The following FAM120A variants were observed in gnomAD, a reference collection of about 807,000 sequenced individuals.
The protein encoded by FAM120A is family with sequence similarity 120 member A, also known as constitutive coactivator of PPAR-gamma-like protein 1.
A neutral mutation model predicts 109.7 loss-of-function variants in FAM120A; 15 were observed. The ratio of observed to expected loss-of-function variants is 0.14; its 90% CI spans 0.09 to 0.21. The LOEUF is 0.21. Among genes scored for constraint, FAM120A ranks in the 10% least tolerant of loss-of-function variants. The probability of loss-of-function intolerance (pLI) is 1.00; values close to 1 mark genes in which losing one functional copy is unlikely to be tolerated. For missense variants in FAM120A, 899 were observed against 1,439.3 expected (o/e 0.62, Z 6.07); for synonymous variants, 493 against 572.8 (o/e 0.86, Z 1.99).
chr9:93,502,693 A>T (rs1859858699), intron 5 of FAM120A, among the ~76,000 whole-genome samples: 1 of 152,138 alleles, frequency 6.6e-6, no homozygotes. Context: ...TTAAGCATTC[A>T]CTATGTCATA....
intron 1 of FAM120A, among the ~76,000 whole-genome samples, chr9:93,460,727 T>C (rs1857758874): frequency 6.6e-6 from 1 of 152,208 alleles, no homozygotes. Context: ...TGGTGTGTAG[T>C]ACATGCTCAG....
At chr9:93,487,115 C>G (rs1859094761) in intron 3 of FAM120A, among the ~76,000 whole-genome samples, 1 of 152,060 alleles carries the variant, frequency 6.6e-6, no homozygotes, top group Non-Finnish European at 1.5e-5. Context: ...ATCCTTTGCT[C>G]ATTTTAAAAT....
chr9:93,542,416 G>A (rs931289780), intron 10 of FAM120A, among the ~76,000 whole-genome samples: 2 of 152,104 alleles, frequency 1.3e-5, no homozygotes, highest in African/African-American at 4.8e-5. Flanking sequence ...CCTTGTCATT[G>A]TTTTTTCCTT....
chr9:93,541,036 G>T (rs569709113), intron 10 of FAM120A, among the ~76,000 whole-genome samples: 1 of 151,106 alleles, frequency 6.6e-6, no homozygotes, highest in African/African-American at 2.4e-5. Context: ...TGCTCTGTGT[G>T]TGGGGTATGT....
intron 1 of FAM120A, among the ~76,000 whole-genome samples, chr9:93,461,005 T>C (rs895842480): frequency 6.6e-6 from 1 of 152,226 alleles, no homozygotes. Flanking sequence ...CACCTGGCTT[T>C]ATCACACATT....
Position 93,451,945 on chromosome 9 carries a change from C to T in FAM120A, c.30C>T (p.Ile10=). The T allele has an allele frequency of 6.5e-7, 1 of 1,527,160 alleles. No homozygotes were observed. The highest frequency in any genetic ancestry group is 8.8e-7 in the Non-Finnish European group (1 of 1,140,698). The allele number at this position is 1,527,160 out of a possible 1,614,324, so 94.6% of individuals were successfully genotyped here. A position where few individuals can be genotyped will look rare whatever the true frequency, so the allele number is the denominator to read the frequency against. ...GCGTGCAGGGCTTCCAGGACTACAT[C>T]GAGAAGCACTGCCCGAGCGCCGTGG... is the stretch of plus-strand genomic sequence containing the variant. The part of the protein sequence containing the change: MGVQGFQDY[I]EKHCPSAVVP... The change falls in exon 1 of 18, where the codon ATC becomes ATT. Residue 10 remains isoleucine (I), a synonymous_variant. Transcript: ENST00000277165.
At chr9:93,550,725 A>C (rs1438986415) in intron 12 of FAM120A, 34 bp downstream of exon 12, 1 of 1,547,778 alleles carries the variant, frequency 6.5e-7, no homozygotes, top group Admixed American at 1.7e-5. Flanking sequence ...TGTCTTGGAC[A>C]GTCTCACTTT....
intron 5 of FAM120A, among the ~76,000 whole-genome samples, chr9:93,511,153 C>T (rs1409596896): frequency 2.6e-5 from 4 of 152,036 alleles, no homozygotes; most frequent in Non-Finnish European, 4.4e-5. Context: ...AATTCTTTCA[C>T]GTGCCACGCA....
At chr9:93,469,228 G>A (rs553405971) in intron 1 of FAM120A, among the ~76,000 whole-genome samples, 2 of 152,338 alleles carry the variant, frequency 1.3e-5, no homozygotes, top group Non-Finnish European at 2.9e-5. Flanking sequence ...AGTGCTGGCT[G>A]TCTCTGAACT....
chr9:93,474,446 T>C (rs921347840), intron 2 of FAM120A, among the ~76,000 whole-genome samples: 1 of 152,212 alleles, frequency 6.6e-6, no homozygotes, highest in African/African-American at 2.4e-5. Flanking sequence ...AAAGTATAGC[T>C]ATATAAAGTA....
At chr9:93,555,213 T>A (rs1862250364) in intron 12 of FAM120A, among the ~76,000 whole-genome samples, 1 of 152,104 alleles carries the variant, frequency 6.6e-6, no homozygotes, top group African/African-American at 2.4e-5. Flanking sequence ...AACAACTGCA[T>A]GGGAAAAGGA....
chr9:93,497,612 A>C lies in FAM120A; in HGVS notation c.933+13A>C, dbSNP rs764232234. 3.7e-5 allele frequency: 59 copies of C among 1,588,220 alleles called. No individual in the cohort carries two copies. The highest frequency in any genetic ancestry group is 2.7e-4 in the Admixed American group (14 of 52,318). ...CCAGCATTCACAGGTAAAAAAAAAA[A>C]CAAACAAAACAAAAAAACAGATTCA... On this transcript the variant is annotated intron_variant, in intron 4 of 17. Transcript: ENST00000277165.
At position 93,452,049 on chromosome 9, in the gene FAM120A, G is replaced by T; in HGVS notation, c.134G>T (p.Arg45Leu). The change falls in exon 1 of 18, where the codon CGC becomes CTC. Residue 45 changes from arginine to leucine, a missense_variant. Arg to Leu is a moderately radical substitution (Grantham distance 102). This residue lies in a region of FAM120A where 258 missense variants were observed against 451.4 expected (regional missense o/e 0.57). Coordinates refer to ENST00000277165, the MANE Select transcript of FAM120A (RefSeq NM_014612.5). The surrounding 1 kb of genome is among the most constrained non-coding windows in gnomAD (Gnocchi z 7.0). The part of the protein sequence containing the change: ...GRQRPPQTPL[R>L]LLVDADNCLH... ...CAGCGGCCCCCGCAGACCCCGCTGC[G>T]CCTGCTGGTGGACGCCGACAACTGC... 1 of 1,582,198 alleles carries T rather than the reference G, an allele frequency of 6.3e-7. No individual in the cohort carries two copies.
At chr9:93,502,736 G>A (rs1262797755) in intron 5 of FAM120A, among the ~76,000 whole-genome samples, 2 of 152,172 alleles carry the variant, frequency 1.3e-5, no homozygotes, top group Non-Finnish European at 2.9e-5. Flanking sequence ...ATCTGGAAAT[G>A]GTTGTGATTT....
chr9:93,501,700 G>A (rs572978594), intron 5 of FAM120A, among the ~76,000 whole-genome samples: 19 of 152,278 alleles, frequency 1.2e-4, no homozygotes, highest in Admixed American at 6.5e-5. Flanking sequence ...TTAAGATGAC[G>A]GGTATGCAGT....
chr9:93,460,495 C>G (rs1418568034), intron 1 of FAM120A, among the ~76,000 whole-genome samples: 4 of 152,114 alleles, frequency 2.6e-5, no homozygotes, highest in African/African-American at 9.7e-5. Context: ...GCACGCCATG[C>G]CCAGCTAATT....
At chr9:93,454,172 G>C (rs943115700) in intron 1 of FAM120A, among the ~76,000 whole-genome samples, 5 of 152,130 alleles carry the variant, frequency 3.3e-5, no homozygotes, top group African/African-American at 1.2e-4. Context: ...TTTTCACTTA[G>C]GTTTCTGGAC....
intron 7 of FAM120A, among the ~76,000 whole-genome samples, chr9:93,517,573 T>G (rs1449475879): frequency 6.6e-6 from 1 of 152,248 alleles, no homozygotes; most frequent in Non-Finnish European, 1.5e-5. Flanking sequence ...AAGGTCCAAG[T>G]GTCTGTACAA....
At position 93,544,878 on chromosome 9, in the gene FAM120A, G is replaced by A. The variant is rs149855404; in HGVS notation, c.2159+1407G>A. 9.1e-4 allele frequency among the ~76,000 whole-genome samples: 138 copies of A among 152,242 alleles called. 1 individual carries two copies. In the East Asian group the frequency reaches 0.018, roughly 20 times the overall value. ...GGTGCAGGGTGACTGTGGCTTCTCCGTGTGGTGCTGCTCTCACCTTTTGTA... is the reference window on the plus strand; with the variant it reads ...GGTGCAGGGTGACTGTGGCTTCTCCATGTGGTGCTGCTCTCACCTTTTGTA... On this transcript the variant is annotated intron_variant, in intron 11 of 17. Coordinates refer to ENST00000277165, the MANE Select transcript of FAM120A (RefSeq NM_014612.5).
Sources: allele counts gnomAD v4.1 joint callset (sites outside exome capture counted in the v4.1 genomes callset), GRCh38; gene constraint gnomAD v4.1.1; regional missense constraint gnomAD v4.1.1; non-coding constraint Gnocchi (gnomAD v3.1); transcripts MANE v1.5; gene names NCBI Gene and HGNC (gene_info 2026-07-23, HGNC 2026-07-21).